The following RANBP2 variants were observed in gnomAD, a reference collection of about 807,000 sequenced individuals.
The protein encoded by RANBP2 is RAN binding protein 2.
Under a neutral mutation model 303.6 loss-of-function variants are expected in RANBP2, and 57 were observed. The ratio of observed to expected loss-of-function variants is 0.19; its 90% CI spans 0.15 to 0.23. The LOEUF is 0.23. Among genes scored for constraint, RANBP2 ranks in the 10% least tolerant of loss-of-function variants. RANBP2 has a pLI of 1.00. For synonymous variants in RANBP2, 1,167 were observed against 1,301.5 expected, an observed-to-expected ratio of 0.90 and a Z score of 2.23; for missense variants, 3,138 against 3,780.8, an observed-to-expected ratio of 0.83 and a Z score of 4.46.
At chr2:109,599,250 G>C in the RANBP2 span, among the ~76,000 whole-genome samples, 5 of 152,054 alleles carry the variant, frequency 3.3e-5, no homozygotes, top group Non-Finnish European at 7.4e-5. Flanking sequence ...TTGAGGTCAG[G>C]AGTTTGAGAC....
At chr2:108,879,663 G>C in the RANBP2 span, among the ~76,000 whole-genome samples, 1 of 152,078 alleles carries the variant, frequency 6.6e-6, no homozygotes, top group Non-Finnish European at 1.5e-5. Flanking sequence ...TAATAACTTT[G>C]TGAGATGGGT....
At chr2:109,577,912 CAA>C in the RANBP2 span, among the ~76,000 whole-genome samples, 23,460 of 92,766 alleles carry the variant, frequency 0.25, 1,207 homozygotes, top group South Asian at 0.28. Context: ...GACTTTGTCT[CAA>C]AAAAAAAAAA....
the RANBP2 span, among the ~76,000 whole-genome samples, chr2:109,468,927 T>C: frequency 2.0e-5 from 3 of 151,000 alleles, no homozygotes. Flanking sequence ...CTCTACGGCT[T>C]TGATACTGGA....
At chr2:108,900,627 A>T in the RANBP2 span, among the ~76,000 whole-genome samples, 1 of 152,104 alleles carries the variant, frequency 6.6e-6, no homozygotes, top group Admixed American at 6.5e-5. Context: ...AGCTTGGTAG[A>T]GTAGACTTAA....
At chr2:109,671,632 T>C in the RANBP2 span, among the ~76,000 whole-genome samples, 1 of 152,112 alleles carries the variant, frequency 6.6e-6, no homozygotes, top group Non-Finnish European at 1.5e-5. Flanking sequence ...TTAGCAAAAT[T>C]TAAGGGGTGA....
At chr2:108,807,128 A>G in the RANBP2 span, among the ~76,000 whole-genome samples, 2 of 152,216 alleles carry the variant, frequency 1.3e-5, no homozygotes, top group South Asian at 4.1e-4. Context: ...GAGAATGAAG[A>G]AAAAAACCCC....
the RANBP2 span, among the ~76,000 whole-genome samples, chr2:109,552,368 G>T: frequency 6.6e-6 from 1 of 152,088 alleles, no homozygotes; most frequent in South Asian, 2.1e-4. Context: ...AACCACCCCA[G>T]CAACACTCAA....
At chr2:109,087,986 C>T in the RANBP2 span, among the ~76,000 whole-genome samples, 60 of 152,292 alleles carry the variant, frequency 3.9e-4, no homozygotes, top group Middle Eastern at 3.4e-3. Flanking sequence ...TTTCTTCGGC[C>T]GGGCGCGTTG....
the RANBP2 span, among the ~76,000 whole-genome samples, chr2:109,085,852 AC>A: frequency 2.8e-5 from 4 of 141,148 alleles, no homozygotes; most frequent in East Asian, 8.6e-4. Context: ...CGATCCACCC[AC>A]CTTGGCCTCC....
the RANBP2 span, among the ~76,000 whole-genome samples, chr2:109,206,526 A>G: frequency 7.6e-6 from 1 of 131,100 alleles, no homozygotes; most frequent in Admixed American, 7.9e-5. Context: ...GAATTAGAGG[A>G]GGCTGAGTGT....
chr2:108,826,206 G>T, the RANBP2 span, among the ~76,000 whole-genome samples: 1 of 152,122 alleles, frequency 6.6e-6, no homozygotes, highest in African/African-American at 2.4e-5. Context: ...CCATTCAGTA[G>T]TTGTCTGTTG....
At chr2:109,593,862 T>C in the RANBP2 span, among the ~76,000 whole-genome samples, 2 of 152,228 alleles carry the variant, frequency 1.3e-5, no homozygotes, top group Non-Finnish European at 2.9e-5. Flanking sequence ...CCTTAGTCAC[T>C]AAAATAATCA....
the RANBP2 span, among the ~76,000 whole-genome samples, chr2:109,332,610 C>T: frequency 6.6e-6 from 1 of 152,198 alleles, no homozygotes; most frequent in Non-Finnish European, 1.5e-5. Flanking sequence ...CTGTGCTGTG[C>T]TAAGGAAGCC....
the RANBP2 span, chr2:108,930,922 A>C: frequency 7.5e-6 from 12 of 1,601,928 alleles, no homozygotes; most frequent in African/African-American, 1.6e-4. Context: ...AACCATCATG[A>C]GGATGAGGGT....
chr2:109,088,518 T>TTA, the RANBP2 span, among the ~76,000 whole-genome samples: 2 of 152,018 alleles, frequency 1.3e-5, no homozygotes, highest in African/African-American at 2.4e-5. Flanking sequence ...TTTATTATTA[T>TTA]TATATATTTT....
At chr2:109,629,933 C>G in the RANBP2 span, among the ~76,000 whole-genome samples, 2 of 152,120 alleles carry the variant, frequency 1.3e-5, no homozygotes, top group Non-Finnish European at 2.9e-5. Flanking sequence ...CAGTACCTCC[C>G]CCATGGAGAA....
the RANBP2 span, among the ~76,000 whole-genome samples, chr2:109,367,688 T>G: frequency 3.9e-5 from 6 of 152,242 alleles, no homozygotes; most frequent in African/African-American, 1.4e-4. Flanking sequence ...ATACTGTAAT[T>G]TATTTAACCA....
chr2:109,546,056 C>A, the RANBP2 span: 68 of 1,573,416 alleles, frequency 4.3e-5, no homozygotes, highest in Middle Eastern at 2.1e-4. Flanking sequence ...TTACTTCTTA[C>A]GGTCCTTGTC....
chr2:109,204,620 C>T, the RANBP2 span, among the ~76,000 whole-genome samples: 2 of 152,230 alleles, frequency 1.3e-5, no homozygotes, highest in Non-Finnish European at 2.9e-5. Context: ...CCACCTACTC[C>T]ACCACCAGGT....
Sources: gnomAD v4.1 joint callset for allele counts (sites outside exome capture counted in the v4.1 genomes callset) on GRCh38, gnomAD v4.1.1 for gene constraint, MANE v1.5 for transcripts, NCBI Gene and HGNC (gene_info 2026-07-23, HGNC 2026-07-21) for gene names.